PXDNL: variants seen among roughly 807,000 people sequenced by gnomAD.
PXDNL encodes the protein probable oxidoreductase PXDNL.
In PXDNL, 145 loss-of-function variants were observed where a neutral mutation model predicts 150.8. The ratio of observed to expected loss-of-function variants is 0.96; its 90% CI spans 0.84 to 1.10. PXDNL has a LOEUF of 1.10. Ranked by LOEUF, PXDNL falls within the 50% of genes least tolerant of loss-of-function variation. PXDNL has a pLI of 0.00. For missense variants in PXDNL, 2,087 were observed against 1,873.9 expected, an observed-to-expected ratio of 1.11 and a Z score of -2.10; for synonymous variants, 757 against 725.7, an observed-to-expected ratio of 1.04 and a Z score of -0.69.
At chr8:51,433,004 C>G (rs1343114029) in intron 12 of PXDNL, among the ~76,000 whole-genome samples, 1 of 152,024 alleles carries the variant, frequency 6.6e-6, no homozygotes, top group African/African-American at 2.4e-5. Flanking sequence ...GAGCCCAGGA[C>G]TTTGAGACCA....
chr8:51,487,389 T>G (rs1277312859), intron 5 of PXDNL, among the ~76,000 whole-genome samples: 2 of 151,954 alleles, frequency 1.3e-5, no homozygotes, highest in Non-Finnish European at 2.9e-5. Flanking sequence ...AAAGTCATAT[T>G]CAGCTCCTAC....
chr8:51,461,818 G>A (rs767624030), intron 8 of PXDNL, among the ~76,000 whole-genome samples: 3 of 152,190 alleles, frequency 2.0e-5, no homozygotes, highest in South Asian at 2.1e-4. Flanking sequence ...TGGCAAGGAA[G>A]TATATCTCTC....
chr8:51,577,857 C>G (rs1813092032), intron 3 of PXDNL, among the ~76,000 whole-genome samples: 2 of 145,766 alleles, frequency 1.4e-5, no homozygotes, highest in East Asian at 2.0e-4. Flanking sequence ...ATTGGAAGAT[C>G]TAGGCAATGA....
intron 2 of PXDNL, among the ~76,000 whole-genome samples, chr8:51,638,373 G>C (rs1350500152): frequency 6.6e-6 from 1 of 152,082 alleles, no homozygotes; most frequent in Non-Finnish European, 1.5e-5. Flanking sequence ...ATGTAAATGG[G>C]CTAAATGCTC....
chr8:51,584,717 A>T (rs1265806681), intron 3 of PXDNL, among the ~76,000 whole-genome samples: 1 of 152,140 alleles, frequency 6.6e-6, no homozygotes, highest in African/African-American at 2.4e-5. Flanking sequence ...TGAGGAGGTG[A>T]TTGTCATGAA....
In PXDNL at chr8:51,600,342, T is replaced by C. The variant is rs1176921160; in HGVS notation, c.237-7644A>G. 1.6e-5 allele frequency among the ~76,000 whole-genome samples: 2 copies of C among 127,432 alleles called. 1 individual carries two copies. Among genetic ancestry groups the C allele is most frequent in the Non-Finnish European group, 3.2e-5 (2 of 63,350 alleles). The allele number at this position is 127,432 out of a possible 152,430, so 83.6% of individuals were successfully genotyped here. ...TAAATTATATCTTATATAAATTATA[T>C]CGTTTAGATAATAAATTATATCTTG... On this transcript the variant is annotated intron_variant, in intron 2 of 22. Coordinates refer to ENST00000356297, the MANE Select transcript of PXDNL (RefSeq NM_144651.5).
chr8:51,342,650 A>G (rs2130689968), intron 20 of PXDNL, among the ~76,000 whole-genome samples: 1 of 152,262 alleles, frequency 6.6e-6, no homozygotes, highest in Middle Eastern at 3.4e-3. Flanking sequence ...GAGTCTGGGA[A>G]GCTGTGTAAA....
In PXDNL at chr8:51,432,854, G is replaced by A. The variant is rs192613060; in HGVS notation, c.1526-6096C>T. ...TTTGTTTTCTATGTCTTGCCTTTCC[G>A]TAAAGGCTAGGACCTTCCATTACAA... On this transcript the variant is annotated intron_variant, in intron 12 of 22. Coordinates refer to ENST00000356297, the MANE Select transcript of PXDNL (RefSeq NM_144651.5). Among the ~76,000 whole-genome samples the A allele has an allele frequency of 3.5e-4, 54 of 152,150 alleles. 2 individuals carry two copies. The South Asian group carries it at 9.1e-3, about 26-fold the overall frequency.
chr8:51,750,351 C>T, intron 1 of PXDNL, among the ~76,000 whole-genome samples: 1 of 152,208 alleles, frequency 6.6e-6, no homozygotes, highest in Non-Finnish European at 1.5e-5. Context: ...GAGCTGTCAT[C>T]TCTATGATAA....
intron 1 of PXDNL, among the ~76,000 whole-genome samples, chr8:51,667,671 T>A (rs1032818400): frequency 3.9e-5 from 6 of 152,054 alleles, no homozygotes; most frequent in African/African-American, 1.4e-4. Flanking sequence ...CCCAGAGAAA[T>A]CAATGTGCCA....
At chr8:51,665,429 T>G (rs1815363661) in intron 1 of PXDNL, among the ~76,000 whole-genome samples, 1 of 152,148 alleles carries the variant, frequency 6.6e-6, no homozygotes, top group African/African-American at 2.4e-5. Context: ...ATGACCAATA[T>G]CAATACAGAT....
chr8:51,607,345 T>C (rs1186408485), intron 2 of PXDNL, among the ~76,000 whole-genome samples: 1 of 152,172 alleles, frequency 6.6e-6, no homozygotes, highest in East Asian at 1.9e-4. Context: ...ATGATCTCAT[T>C]TCTTTCTTCC....
chr8:51,618,078 T>C (rs912691377), intron 2 of PXDNL, among the ~76,000 whole-genome samples: 2 of 152,218 alleles, frequency 1.3e-5, no homozygotes, highest in African/African-American at 2.4e-5. Flanking sequence ...TGGTGAGTCA[T>C]TGTGCAACAA....
At chr8:51,426,387 GT>G (rs1342166313) in intron 13 of PXDNL, among the ~76,000 whole-genome samples, 1 of 151,740 alleles carries the variant, frequency 6.6e-6, no homozygotes, top group Non-Finnish European at 1.5e-5. Flanking sequence ...GAGGAATTCA[GT>G]TATGCTTATG....
chr8:51,683,575 ACAT>A (rs1815805502), intron 1 of PXDNL, among the ~76,000 whole-genome samples: 1 of 152,064 alleles, frequency 6.6e-6, no homozygotes, highest in Non-Finnish European at 1.5e-5. Context: ...CTGCTGTACA[ACAT>A]TGCCCCTGGA....
intron 4 of PXDNL, among the ~76,000 whole-genome samples, chr8:51,526,737 G>C (rs1325046003): frequency 6.6e-6 from 1 of 152,156 alleles, no homozygotes; most frequent in Non-Finnish European, 1.5e-5. Flanking sequence ...AGATGCTGTT[G>C]CTAATAATGA....
intron 1 of PXDNL, among the ~76,000 whole-genome samples, chr8:51,767,473 G>A (rs2037244532): frequency 2.0e-5 from 3 of 152,080 alleles, no homozygotes; most frequent in Admixed American, 2.0e-4. Flanking sequence ...TTGTTAGTTA[G>A]CTAATTATTA....
At chr8:51,404,305 C>T (rs764852990) in intron 17 of PXDNL, among the ~76,000 whole-genome samples, 9 of 152,248 alleles carry the variant, frequency 5.9e-5, no homozygotes, top group Admixed American at 4.6e-4. Context: ...CCACCCACAT[C>T]CTGCTGATTG....
chr8:51,557,939 G>A (rs2130546697), intron 3 of PXDNL, among the ~76,000 whole-genome samples: 1 of 152,236 alleles, frequency 6.6e-6, no homozygotes, highest in Admixed American at 6.6e-5. Flanking sequence ...AGTGACCAGT[G>A]TGGATTTACA....
Sources: gnomAD v4.1 joint callset for allele counts (sites outside exome capture counted in the v4.1 genomes callset) on GRCh38, gnomAD v4.1.1 for gene constraint, MANE v1.5 for transcripts, NCBI Gene and HGNC (gene_info 2026-07-23, HGNC 2026-07-21) for gene names.